Variants in TCP1 observed in about 807,000 individuals in gnomAD.
TCP1 encodes the protein t-complex 1.
In TCP1, 6 loss-of-function variants were observed where a neutral mutation model predicts 54.7. The observed-to-expected ratio is 0.11, with a 90% CI of 0.06 to 0.22. The LOEUF is 0.22. Among genes scored for constraint, TCP1 ranks in the 10% least tolerant of loss-of-function variants. The probability of loss-of-function intolerance (pLI) is 1.00; values close to 1 mark genes in which losing one functional copy is unlikely to be tolerated. For missense variants in TCP1, 511 were observed against 678.2 expected (o/e 0.75, Z 2.74); for synonymous variants, 225 against 229.7 (o/e 0.98, Z 0.19).
intron 1 of TCP1, 90 bp downstream of exon 1, chr6:159,789,315 A>T: frequency 6.7e-7 from 1 of 1,490,262 alleles, no homozygotes; most frequent in Non-Finnish European, 9.2e-7. Flanking sequence ...GCGGAGGTAA[A>T]GGAGAGAAAC....
chr6:159,785,186 GCAACACATGCGCA>G, intron 5 of TCP1, 187 bp downstream of exon 5: 1 of 611,072 alleles, frequency 1.6e-6, no homozygotes, highest in African/African-American at 1.8e-5. Flanking sequence ...ACGCGTGCGC[GCAACACATGCGCA>G]CACACGCACC....
At chr6:159,780,285 T>TA (rs202229673) in intron 9 of TCP1, 158 bp downstream of exon 9, 18,584 of 1,265,390 alleles carry the variant, frequency 0.015, 193 homozygotes, top group Non-Finnish European at 0.019. Context: ...TGAAAATGGT[T>TA]ACTTCATCTC....
rs947236723 is a variant in TCP1 at position 159,789,418 on chromosome 6, G to A, written c.51C>T (p.Ile17=). ...GCCCGCCCTTACCGTTTTGGGAGCG[G>A]ATCGTTTCCCCAGTGCTGCGGTCAC... ...VFGDRSTGET[I]RSQNVMAAAS... The change falls in exon 1 of 12, where the codon ATC becomes ATT. Residue 17 remains isoleucine (I), a synonymous_variant. Transcript: ENST00000321394. 4 of 1,613,742 alleles carry A rather than the reference G, an allele frequency of 2.5e-6. No homozygotes were observed. The highest frequency in any genetic ancestry group is 3.4e-6 in the Non-Finnish European group (4 of 1,179,858).
Position 159,788,066 on chromosome 6 carries a change from C to T in TCP1, c.142G>A (p.Asp48Asn), listed in dbSNP as rs1198494907. 6.2e-7 allele frequency: 1 copy of T among 1,614,112 alleles called. No individual in the cohort carries two copies. Among genetic ancestry groups the T allele is most frequent in the Non-Finnish European group, 8.5e-7 (1 of 1,180,010 alleles). ...CAGTTATGTGTACTTACACCAATAT[C>T]ATCCACCAACATTTTATCCAAGCCA... ...PVGLDKMLVD[D>N]IGDVTITNDG... The change falls in exon 2 of 12, where the codon GAT (aspartate) becomes AAT (asparagine). Residue 48 changes from aspartate to asparagine, a missense_variant. Around this residue, in one of 5 missense-constraint regions of TCP1, gnomAD observed 54 missense variants for 111.8 expected, o/e 0.48. Coordinates refer to ENST00000321394, the MANE Select transcript of TCP1 (RefSeq NM_030752.3).
At chr6:159,779,479 A>C in intron 11 of TCP1, 148 bp downstream of exon 11, 2 of 1,157,048 alleles carry the variant, frequency 1.7e-6, no homozygotes, top group African/African-American at 1.6e-5. Context: ...AATTACAGTG[A>C]CTGAACAACA....
At chr6:159,782,182 T>G (rs1780592830) in intron 7 of TCP1, among the ~76,000 whole-genome samples, 1 of 152,202 alleles carries the variant, frequency 6.6e-6, no homozygotes, top group Admixed American at 6.5e-5. Context: ...ACTTACATCA[T>G]GGAAACCATA....
chr6:159,785,585 C>T (rs995792871), intron 4 of TCP1, 89 bp from the exon 5 acceptor site: 16 of 1,055,410 alleles, frequency 1.5e-5, no homozygotes, highest in Non-Finnish European at 2.2e-5. Flanking sequence ...GCCAAAATGT[C>T]GTAAGTAATA....
intron 1 of TCP1, chr6:159,788,671 T>G (rs1780760150): frequency 6.5e-6 from 1 of 153,808 alleles, no homozygotes; most frequent in Non-Finnish European, 1.4e-5. Context: ...TTCTGCAAGT[T>G]TTTTGCTCAT....
intron 1 of TCP1, 29 bp downstream of exon 1, chr6:159,789,376 A>T: frequency 1.2e-6 from 2 of 1,612,928 alleles, no homozygotes; most frequent in Middle Eastern, 1.7e-4. Flanking sequence ...CCCGGCCGCA[A>T]ACCCGACCCA....
intron 1 of TCP1, chr6:159,788,455 G>A (rs749111292): frequency 8.7e-5 from 26 of 300,284 alleles, no homozygotes; most frequent in Admixed American, 1.9e-4. Flanking sequence ...ATGCGGCGGC[G>A]CGGACCTGTG....
rs1479368282 is a variant in TCP1, at chr6:159,778,518, A to T, written c.*527T>A. 1.5e-5 allele frequency: 15 copies of T among 977,088 alleles called. No homozygotes were observed. The highest frequency in any genetic ancestry group is 2.2e-5 in the Non-Finnish European group (15 of 677,380). The allele number at this position is 977,088 out of a possible 1,614,324, so 60.5% of individuals were successfully genotyped here. ...AGGGATGAATTTTCACAAAGGTGTA[A>T]ATTTATTCCTAAGCAGTTAAAATGA... On this transcript the variant is annotated 3_prime_UTR_variant, in exon 12 of 12. Transcript: ENST00000321394.
chr6:159,789,154 C>T (rs2295897), intron 1 of TCP1: 7 of 492,080 alleles, frequency 1.4e-5, no homozygotes, highest in South Asian at 3.1e-5. Flanking sequence ...CCAACGCCGC[C>T]CCGGACACCA....
chr6:159,784,563 C>G (rs1360114306), intron 6 of TCP1, 103 bp downstream of exon 6: 40 of 1,271,928 alleles, frequency 3.1e-5, no homozygotes, highest in Non-Finnish European at 4.1e-5. Flanking sequence ...CTCAGCCTCC[C>G]AAAGTGCTGG....
At chr6:159,783,876 C>G in intron 7 of TCP1, 65 bp downstream of exon 7, 1 of 1,504,012 alleles carries the variant, frequency 6.6e-7, no homozygotes, top group South Asian at 1.4e-5. Flanking sequence ...TTTGACTTGG[C>G]TAAAAATGTT....
chr6:159,787,049 C>A (rs1172980561), intron 3 of TCP1, among the ~76,000 whole-genome samples: 1 of 142,790 alleles, frequency 7.0e-6, no homozygotes, highest in Non-Finnish European at 1.5e-5. Context: ...TCAAGACCAG[C>A]CTGGGCAACA....
chr6:159,787,983 CAAAG>C, intron 2 of TCP1, 71 bp downstream of exon 2: 1 of 1,607,032 alleles, frequency 6.2e-7, no homozygotes, highest in Non-Finnish European at 8.5e-7. Context: ...CTGATAAAGT[CAAAG>C]AAAGAACATA....
chr6:159,785,599 T>A (rs3818299), intron 4 of TCP1, 103 bp from the exon 5 acceptor site: 1 of 934,060 alleles, frequency 1.1e-6, no homozygotes, highest in South Asian at 1.3e-5. Flanking sequence ...AGTAATAATA[T>A]CCGTTCAGCC....
At chr6:159,783,657 C>T (rs778219281) in intron 7 of TCP1, among the ~76,000 whole-genome samples, 10 of 152,170 alleles carry the variant, frequency 6.6e-5, no homozygotes, top group Non-Finnish European at 1.0e-4. Flanking sequence ...CCTGCACCTC[C>T]AGTATCTAGC....
Position 159,779,009 on chromosome 6 carries a change from G to GGTATAA in TCP1, c.*35_*36insTTATAC, listed in dbSNP as rs1465169661. On this transcript the variant is annotated 3_prime_UTR_variant, in exon 12 of 12. Transcript: ENST00000321394. ...ACTCAACTCAAGGTACAAGACAATTGCATTTAACATTGTTATAAATAAAAG... is the reference window on the plus strand; with the variant it reads ...ACTCAACTCAAGGTACAAGACAATTGGTATAACATTTAACATTGTTATAAATAAAAG... 32 of 1,593,606 alleles carry GGTATAA rather than the reference G, an allele frequency of 2.0e-5. 1 individual carries two copies. The Admixed American group carries it at 5.4e-4, about 27-fold the overall frequency.
Sources: allele counts gnomAD v4.1 joint callset (sites outside exome capture counted in the v4.1 genomes callset), GRCh38; gene constraint gnomAD v4.1.1; regional missense constraint gnomAD v4.1.1; transcripts MANE v1.5; gene names NCBI Gene and HGNC (gene_info 2026-07-23, HGNC 2026-07-21).